The following ANO9 variants were observed in gnomAD, a reference collection of about 807,000 sequenced individuals.
ANO9 encodes the protein anoctamin 9.
A neutral mutation model predicts 100.5 loss-of-function variants in ANO9; 80 were observed. The observed-to-expected ratio is 0.80, with a 90% CI of 0.66 to 0.96. ANO9 has a LOEUF of 0.96. ANO9 is among the 40% of genes least tolerant of loss of function. ANO9 has a pLI of 0.00. For synonymous variants in ANO9, 473 were observed against 435.6 expected (o/e 1.09, Z -1.07); for missense variants, 1,064 against 1,072.7 (o/e 0.99, Z 0.11).
intron 1 of ANO9, among the ~76,000 whole-genome samples, chr11:438,011 G>A (rs1845500372): frequency 6.6e-6 from 1 of 152,134 alleles, no homozygotes; most frequent in Admixed American, 6.5e-5. Flanking sequence ...CCTGGGAGAG[G>A]GGACTGTCCC....
In ANO9 at chr11:430,272, A is replaced by G. The variant is rs1478678567; in HGVS notation, c.671T>C (p.Ile224Thr). 1.3e-6 allele frequency: 2 copies of G among 1,566,442 alleles called. No individual in the cohort carries two copies. Among genetic ancestry groups the G allele is most frequent in the Non-Finnish European group, 8.6e-7 (1 of 1,156,704 alleles). The change falls in exon 8 of 23, where the codon ATC (isoleucine) becomes ACC (threonine). Residue 224 changes from isoleucine (I) to threonine (T), a missense_variant. Ile to Thr is a moderately conservative substitution (Grantham distance 89). Coordinates refer to ENST00000332826, the MANE Select transcript of ANO9 (RefSeq NM_001012302.3). ...CCCGGCCCCTGCTGCGGCCCACCTGATCTGGCTGGCCTCAAACAGCGAGAA... is the reference window on the plus strand; with the variant it reads ...CCCGGCCCCTGCTGCGGCCCACCTGGTCTGGCTGGCCTCAAACAGCGAGAA... Reference protein sequence around the residue: ...SGFSLFEASQISKEICEAHDI... With the variant: ...SGFSLFEASQTSKEICEAHDI...
Position 428,617 on chromosome 11 carries a change from G to T in ANO9, c.1043C>A (p.Ala348Asp). ...LLMICLMIGM[A>D]HVLVVYRVLA... ...GACGCGGTAGACCACCAGGACGTGG[G>T]CCATGCCGATCATGAGGCAGATCTG... Residue 348 changes from alanine (A) to aspartate (D), a missense_variant, in exon 13 of 23, where the codon GCC (alanine) becomes GAC (aspartate). Physicochemically the swap from Ala to Asp is moderately radical, Grantham distance 126. Transcript: ENST00000332826. The T allele has an allele frequency of 3.7e-6, 6 of 1,612,102 alleles. No homozygotes were observed. In the South Asian group the frequency reaches 6.6e-5, roughly 18 times the overall value.
rs950763714 is a variant in ANO9, at chr11:421,323, G to A, written c.1335-125C>T. 71 of 1,007,126 alleles carry A rather than the reference G, an allele frequency of 7.0e-5. No homozygotes were observed. The highest frequency in any genetic ancestry group is 9.5e-5 in the Non-Finnish European group (68 of 717,204). 62.4% of individuals were successfully genotyped at this position (1,007,126 alleles called of 1,614,324 possible). A position where few individuals can be genotyped will look rare whatever the true frequency, so the allele number is the denominator to read the frequency against. On this transcript the variant is annotated intron_variant, in intron 15 of 22. Transcript: ENST00000332826. This position sits in a 1 kb window ranked among gnomAD's most constrained non-coding sequence, Gnocchi z 6.8. ...GCGGGGCAGGCCCTGCAGGTGAGCG[G>A]GGCACAGGTGCTCACACCCAGATGA...
intron 22 of ANO9, 34 bp downstream of exon 22, chr11:418,686 A>AC: frequency 6.2e-7 from 1 of 1,611,980 alleles, no homozygotes; most frequent in Non-Finnish European, 8.5e-7. Context: ...CACTGCCCAG[A>AC]CCCACTCCGA....
chr11:419,755 TCTGACTCAGCGTCCCTCG>T, intron 19 of ANO9, 26 bp from the exon 20 acceptor site: 1 of 1,582,376 alleles, frequency 6.3e-7, no homozygotes, highest in East Asian at 2.2e-5. Context: ...GGGCAAGCGG[TCTGACTCAGCGTCCCTCG>T]GCTGGTTCTG....
In ANO9 at chr11:432,030, G is replaced by T; in HGVS notation, c.375C>A (p.Phe125Leu). Residue 125 changes from phenylalanine (F) to leucine (L), a missense_variant, in exon 5 of 23, where the codon TTC becomes TTA. Physicochemically the swap from Phe to Leu is conservative, Grantham distance 22. Transcript: ENST00000332826. The surrounding 1 kb of genome is among the most constrained non-coding windows in gnomAD (Gnocchi z 4.8). ...CCGAGGTCTTGTTGTTCATGACAAC[G>T]AAGTTCACGATTCGGATTCTGAGAC... Reference protein sequence around the residue: ...TTSLRIRIVNFVVMNNKTSAG... With the variant: ...TTSLRIRIVNLVVMNNKTSAG... 1 of 1,612,998 alleles carries T rather than the reference G, an allele frequency of 6.2e-7. No homozygotes were observed. The highest frequency in any genetic ancestry group is 8.5e-7 in the Non-Finnish European group (1 of 1,179,774).
chr11:427,390 G>A (rs893146039), intron 15 of ANO9, among the ~76,000 whole-genome samples: 15 of 152,130 alleles, frequency 9.9e-5, no homozygotes, highest in East Asian at 3.9e-4. Context: ...CTCTCACCTC[G>A]CCTTCCTAAT....
chr11:433,031 A>G, intron 4 of ANO9: 1 of 428,264 alleles, frequency 2.3e-6, no homozygotes, highest in East Asian at 4.1e-5. Flanking sequence ...AATCCTGCCC[A>G]ACCCCTAAGG....
intron 14 of ANO9, 21 bp from the exon 15 acceptor site, chr11:428,220 A>G: frequency 1.2e-6 from 2 of 1,610,212 alleles, no homozygotes; most frequent in Admixed American, 1.7e-5. Flanking sequence ...ACCGGCCCTC[A>G]CCTCTCTCCC....
In ANO9 at chr11:428,962, G is replaced by A. The variant is rs75510779; in HGVS notation, c.916-136C>T. On this transcript the variant is annotated intron_variant, in intron 11 of 22. Transcript: ENST00000332826. Reference sequence around the variant, plus strand: ...ACATGGGGAGACAGACACGGGACACGCACCCCACACGTGGGGAGACAGACA... The same window carrying A: ...ACATGGGGAGACAGACACGGGACACACACCCCACACGTGGGGAGACAGACA... 6.3e-5 allele frequency: 47 copies of A among 751,922 alleles called. No individual in the cohort carries two copies. The African/African-American group carries it at 6.9e-4, about 11-fold the overall frequency. 46.6% of individuals were successfully genotyped at this position (751,922 alleles called of 1,614,324 possible).
chr11:418,079 G>T lies in ANO9; in HGVS notation c.*292C>A, dbSNP rs75767088. On this transcript the variant is annotated 3_prime_UTR_variant, in exon 23 of 23. Transcript: ENST00000332826. ...TCAGAGGGAGGCCCAGGAAATTTGC[G>T]CCAGTTTTCCTGCCTTGTGGCTGCC... 3 of 387,740 alleles carry T rather than the reference G, an allele frequency of 7.7e-6. No individual in the cohort carries two copies. The highest frequency in any genetic ancestry group is 6.2e-5 in the African/African-American group (3 of 48,534). 24.0% of individuals were successfully genotyped at this position (387,740 alleles called of 1,614,324 possible). A position where few individuals can be genotyped will look rare whatever the true frequency, so the allele number is the denominator to read the frequency against.
Position 421,088 on chromosome 11 carries a change from G to A in ANO9, c.1393-46C>T. The A allele has an allele frequency of 1.9e-6, 3 of 1,582,732 alleles. No individual in the cohort carries two copies. Among genetic ancestry groups the A allele is most frequent in the Non-Finnish European group, 2.6e-6 (3 of 1,158,256 alleles). On this transcript the variant is annotated intron_variant, in intron 16 of 22. Coordinates refer to ENST00000332826, the MANE Select transcript of ANO9 (RefSeq NM_001012302.3). The surrounding 1 kb of genome is among the most constrained non-coding windows in gnomAD (Gnocchi z 6.8). ...AGATCAGGGAGGGGTCCTGGGGGAC[G>A]GTCAGGGGAGCAGTGGCTCAGGGAC...
intron 1 of ANO9, among the ~76,000 whole-genome samples, chr11:439,267 G>A (rs1345967388): frequency 1.3e-5 from 2 of 152,238 alleles, no homozygotes; most frequent in African/African-American, 2.4e-5. Flanking sequence ...ATAGGCCAGC[G>A]TCCAGTGGGC....
chr11:433,229 C>T (rs1293529234), intron 4 of ANO9, 85 bp downstream of exon 4: 2 of 1,521,144 alleles, frequency 1.3e-6, no homozygotes, highest in East Asian at 2.3e-5. Context: ...CGCCTGGAGC[C>T]TGGCACTGTC....
intron 1 of ANO9, 101 bp downstream of exon 1, chr11:441,820 G>T (rs557053816): frequency 3.3e-6 from 5 of 1,504,954 alleles, no homozygotes; most frequent in African/African-American, 1.4e-5. Flanking sequence ...ACACACAGGC[G>T]CCTTCCAGGT....
chr11:430,320 C>T lies in ANO9; in HGVS notation c.623G>A (p.Gly208Asp). 3 of 1,608,544 alleles carry T rather than the reference C, an allele frequency of 1.9e-6. No individual in the cohort carries two copies. Among genetic ancestry groups the T allele is most frequent in the Non-Finnish European group, 2.5e-6 (3 of 1,178,458 alleles). Reference protein sequence around the residue: ...TYMLVPAALTGLLVFLSGFSL... With the variant: ...TYMLVPAALTDLLVFLSGFSL... ...GAATCCGCTCAGAAAGACTAAGAGG[C>T]CCGTCAGGGCGGCCGGCACCAGCAT... Residue 208 changes from glycine to aspartate, a missense_variant, in exon 8 of 23, where the codon GGC (glycine) becomes GAC (aspartate). Physicochemically the swap from Gly to Asp is moderately conservative, Grantham distance 94. Coordinates refer to ENST00000332826, the MANE Select transcript of ANO9 (RefSeq NM_001012302.3).
At chr11:431,216 T>G (rs1364653229) in intron 7 of ANO9, among the ~76,000 whole-genome samples, 8 of 45,250 alleles carry the variant, frequency 1.8e-4, no homozygotes, top group Admixed American at 2.7e-4. Flanking sequence ...GTGTGGGGGC[T>G]CCCGTGGGTA....
chr11:429,029 A>C (rs112465277), intron 11 of ANO9, among the ~76,000 whole-genome samples: 1,442 of 67,022 alleles, frequency 0.022, 15 homozygotes, highest in African/African-American at 0.057. Context: ...GGACACTCAC[A>C]CCACACGTGG....
At position 428,779 on chromosome 11, in the gene ANO9, C is replaced by T; in HGVS notation, c.963G>A (p.Arg321=). The change falls in exon 12 of 23, where the codon CGG becomes CGA. Residue 321 remains arginine (R), a synonymous_variant. Transcript: ENST00000332826. ...TGCGTAGGTAGGAGTGCTGGTATGGCCGGAGCTTGTAGTCGGGGCAGTTAA... is the reference window on the plus strand; with the variant it reads ...TGCGTAGGTAGGAGTGCTGGTATGGTCGGAGCTTGTAGTCGGGGCAGTTAA... ...QLINCPDYKL[R]PYQHSYLRST... The T allele has an allele frequency of 6.2e-7, 1 of 1,613,366 alleles. No individual in the cohort carries two copies. The highest frequency in any genetic ancestry group is 8.5e-7 in the Non-Finnish European group (1 of 1,179,952).
Sources: allele counts gnomAD v4.1 joint callset (sites outside exome capture counted in the v4.1 genomes callset), GRCh38; gene constraint gnomAD v4.1.1; non-coding constraint Gnocchi (gnomAD v3.1); transcripts MANE v1.5; gene names NCBI Gene and HGNC (gene_info 2026-07-23, HGNC 2026-07-21).